The following DYNC2H1 variants were observed in gnomAD, a reference collection of about 807,000 sequenced individuals.
The protein encoded by DYNC2H1 is dynein cytoplasmic 2 heavy chain 1.
A neutral mutation model predicts 570.0 loss-of-function variants in DYNC2H1; 410 were observed. The ratio of observed to expected loss-of-function variants is 0.72; its 90% confidence interval spans 0.66 to 0.78. DYNC2H1 has a LOEUF of 0.78. DYNC2H1 is among the 30% of genes least tolerant of loss of function. DYNC2H1 has a pLI of 0.00. For synonymous variants in DYNC2H1, 1,688 were observed against 1,677.6 expected, an observed-to-expected ratio of 1.01 and a Z score of -0.15; for missense variants, 4,865 against 5,046.4, an observed-to-expected ratio of 0.96 and a Z score of 1.09.
intron 84 of DYNC2H1, chr11:103,402,335 G>A (rs1273851433): frequency 1.3e-5 from 2 of 152,238 alleles, no homozygotes; most frequent in African/African-American, 2.4e-5. Context: ...ATAATAAATA[G>A]GATTATTCCA....
chr11:103,122,391 A>G (rs910932678), intron 10 of DYNC2H1, among the ~76,000 whole-genome samples: 1 of 152,236 alleles, frequency 6.6e-6, no homozygotes, highest in African/African-American at 2.4e-5. Context: ...TTGTGGAGGA[A>G]AGGCATTTAT....
intron 39 of DYNC2H1, among the ~76,000 whole-genome samples, chr11:103,179,662 C>T (rs1861770049): frequency 6.6e-6 from 1 of 151,606 alleles, no homozygotes; most frequent in African/African-American, 2.4e-5. Flanking sequence ...AATTTTAGGG[C>T]TAATTCAGGT....
At chr11:103,422,527 T>C (rs1229006032) in intron 84 of DYNC2H1, among the ~76,000 whole-genome samples, 1 of 152,048 alleles carries the variant, frequency 6.6e-6, no homozygotes. Flanking sequence ...ATGCAAGGTT[T>C]GTTCAACATA....
intron 63 of DYNC2H1, 35 bp downstream of exon 63, chr11:103,236,574 G>C (rs1037390920): frequency 3.4e-6 from 4 of 1,159,534 alleles, no homozygotes; most frequent in Admixed American, 1.9e-5. Flanking sequence ...TATTAGAAAT[G>C]TTTTATTGTC....
chr11:103,226,727 G>A (rs1250460445), intron 59 of DYNC2H1, among the ~76,000 whole-genome samples: 1 of 152,094 alleles, frequency 6.6e-6, no homozygotes, highest in African/African-American at 2.4e-5. Flanking sequence ...TGGCTTCATA[G>A]ATTGATTTAG....
intron 88 of DYNC2H1, among the ~76,000 whole-genome samples, chr11:103,477,691 C>T (rs1453759603): frequency 6.6e-6 from 1 of 151,662 alleles, no homozygotes; most frequent in Admixed American, 6.6e-5. Context: ...AGTGCCCAGG[C>T]GTGGTGGCAG....
At chr11:103,160,908 T>G (rs761596327) in intron 28 of DYNC2H1, 24 bp from the exon 29 acceptor site, 1 of 1,372,570 alleles carries the variant, frequency 7.3e-7, no homozygotes, top group South Asian at 1.4e-5. Flanking sequence ...CTTTTGCAAT[T>G]CAATCATTGC....
chr11:103,405,263 G>A (rs78014030), intron 84 of DYNC2H1: 3,882 of 151,260 alleles, frequency 0.026, 105 homozygotes, highest in Middle Eastern at 0.065. Flanking sequence ...GGAGAGAAAG[G>A]AGGAGAAGGA....
intron 39 of DYNC2H1, among the ~76,000 whole-genome samples, chr11:103,180,534 T>C (rs1473722539): frequency 1.3e-5 from 2 of 151,706 alleles, no homozygotes; most frequent in Non-Finnish European, 3.0e-5. Flanking sequence ...TCATGTAAAA[T>C]ACAAATACAT....
intron 83 of DYNC2H1, among the ~76,000 whole-genome samples, chr11:103,380,862 G>A (rs554803311): frequency 2.0e-5 from 3 of 152,098 alleles, no homozygotes; most frequent in Admixed American, 6.5e-5. Flanking sequence ...ATGCCTGGCC[G>A]AGGAATTCTT....
rs2931805 is a variant in DYNC2H1, at chr11:103,212,719, G to T, written c.8694+776G>T. Reference sequence around the variant, plus strand: ...GTTTTAGTTTCCCTTTGTTAGGGTAGTAAAGTAGGCTCCATCTTAATTGAC... The same window carrying T: ...GTTTTAGTTTCCCTTTGTTAGGGTATTAAAGTAGGCTCCATCTTAATTGAC... On this transcript the variant is annotated intron_variant, in intron 54 of 88. Coordinates refer to ENST00000375735, the MANE Select transcript of DYNC2H1 (RefSeq NM_001377.3). Among the ~76,000 whole-genome samples the T allele has an allele frequency of 2.6e-5, 4 of 152,122 alleles. No homozygotes were observed. In the South Asian group the frequency reaches 8.3e-4, roughly 32 times the overall value.
chr11:103,206,155 T>C (rs1425251337), intron 52 of DYNC2H1, among the ~76,000 whole-genome samples: 1 of 152,076 alleles, frequency 6.6e-6, no homozygotes, highest in Non-Finnish European at 1.5e-5. Flanking sequence ...CATTTTGCAG[T>C]AGAAACAACA....
At chr11:103,385,300 T>A (rs1804018049) in intron 83 of DYNC2H1, among the ~76,000 whole-genome samples, 1 of 152,136 alleles carries the variant, frequency 6.6e-6, no homozygotes, top group Non-Finnish European at 1.5e-5. Flanking sequence ...TGATATTGGA[T>A]GTATGTTAGA....
At position 103,220,817 on chromosome 11, in the gene DYNC2H1, G is replaced by A. The variant is rs670464; in HGVS notation, c.9107+34G>A. The A allele has an allele frequency of 0.92, 1,455,122 of 1,573,346 alleles. 673,529 individuals carry two copies. Among genetic ancestry groups the A allele is most frequent in the Admixed American group, 0.95 (52,587 of 55,148 alleles). Reference sequence around the variant, plus strand: ...TTCAATTTGTGAAAAATATTATTTCGGCAATGAATGACACATTCTTTCGTA... The same window carrying A: ...TTCAATTTGTGAAAAATATTATTTCAGCAATGAATGACACATTCTTTCGTA... On this transcript the variant is annotated intron_variant, in intron 57 of 88. Coordinates refer to ENST00000375735, the MANE Select transcript of DYNC2H1 (RefSeq NM_001377.3).
chr11:103,139,910 G>A (rs999944423), intron 17 of DYNC2H1, among the ~76,000 whole-genome samples: 4 of 152,192 alleles, frequency 2.6e-5, no homozygotes, highest in African/African-American at 9.7e-5. Flanking sequence ...TGTATTGAGT[G>A]CATATATATT....
rs545400113 is a variant in DYNC2H1, at chr11:103,162,524, A to G, written c.4492-504A>G. ...AAAATTAGTTTTGTTGGATGAAGCA[A>G]TCTAAGCCCCCAAATAATACATTTC... On this transcript the variant is annotated intron_variant, in intron 29 of 88. Coordinates refer to ENST00000375735, the MANE Select transcript of DYNC2H1 (RefSeq NM_001377.3). Among the ~76,000 whole-genome samples, 13 of 152,274 alleles carry G rather than the reference A, an allele frequency of 8.5e-5. No individual in the cohort carries two copies. The East Asian group carries it at 1.9e-3, about 23-fold the overall frequency.
intron 82 of DYNC2H1, among the ~76,000 whole-genome samples, chr11:103,343,246 T>C (rs1474396775): frequency 6.6e-6 from 1 of 152,120 alleles, no homozygotes; most frequent in Non-Finnish European, 1.5e-5. Flanking sequence ...CAAAGTTAAG[T>C]CGCCCAAGCG....
At chr11:103,142,524 CTG>C (rs1330864332) in intron 17 of DYNC2H1, among the ~76,000 whole-genome samples, 1 of 152,042 alleles carries the variant, frequency 6.6e-6, no homozygotes, top group Non-Finnish European at 1.5e-5. Flanking sequence ...CAAAAATTAT[CTG>C]GGCATGGTGG....
rs1403283806 is a variant in DYNC2H1 at position 103,109,460 on chromosome 11, G to C, written c.-115G>C. The C allele has an allele frequency of 9.8e-7, 1 of 1,023,524 alleles. No individual in the cohort carries two copies. The highest frequency in any genetic ancestry group is 1.6e-5 in the African/African-American group (1 of 61,742). The allele number at this position is 1,023,524 out of a possible 1,614,324, so 63.4% of individuals were successfully genotyped here. A position where few individuals can be genotyped will look rare whatever the true frequency, so the allele number is the denominator to read the frequency against. On this transcript the variant is annotated 5_prime_UTR_variant, in exon 1 of 89. Coordinates refer to ENST00000375735, the MANE Select transcript of DYNC2H1 (RefSeq NM_001377.3). ...ACCCCTGGCAACCGCGAAGCTCTGC[G>C]GTCCCGCGGTCGGGCTACGGGTTTG...
Sources: allele counts gnomAD v4.1 joint callset (sites outside exome capture counted in the v4.1 genomes callset), GRCh38; gene constraint gnomAD v4.1.1; transcripts MANE v1.5; gene names NCBI Gene and HGNC (gene_info 2026-07-23, HGNC 2026-07-21).